Variants in TMEM272 observed in about 807,000 individuals in gnomAD.
The protein encoded by TMEM272 is transmembrane protein 272, also known as long intergenic non-protein coding RNA 282.
Under a neutral mutation model 3.7 loss-of-function variants are expected in TMEM272, and 8 were observed. The ratio of observed to expected loss-of-function variants is 2.17; its 90% CI spans 1.27 to 3.91. The LOEUF (loss-of-function observed/expected upper bound fraction) is 3.91, where lower values mean the gene tolerates loss of function less well. TMEM272 is among the 30% of genes most tolerant of loss of function. The pLI is 0.00. For synonymous variants in TMEM272, 63 were observed against 39.8 expected (o/e 1.58, Z -2.20); for missense variants, 166 against 91.5 (o/e 1.81, Z -3.32).
chr13:51,866,548 A>C, the TMEM272 span, among the ~76,000 whole-genome samples: 18 of 152,158 alleles, frequency 1.2e-4, no homozygotes, highest in Admixed American at 9.8e-4. Context: ...GCATTCCAGT[A>C]AAGGCCTCTG....
chr13:51,884,850 A>G, the TMEM272 span, among the ~76,000 whole-genome samples: 1 of 152,202 alleles, frequency 6.6e-6, no homozygotes, highest in Non-Finnish European at 1.5e-5. Flanking sequence ...AACACAGTAA[A>G]TGCTTGGTTA....
chr13:51,917,730 A>T, the TMEM272 span, among the ~76,000 whole-genome samples: 1 of 152,338 alleles, frequency 6.6e-6, no homozygotes, highest in East Asian at 1.9e-4. Flanking sequence ...TCTGAGCTGC[A>T]AAATGCATTG....
intron 2 of TMEM272, among the ~76,000 whole-genome samples, chr13:51,827,565 C>G (rs1017172537): frequency 6.6e-6 from 1 of 152,054 alleles, no homozygotes; most frequent in African/African-American, 2.4e-5. Context: ...GCCTGCCCCC[C>G]AGTTCCCACT....
the TMEM272 span, among the ~76,000 whole-genome samples, chr13:51,925,856 T>G: frequency 6.6e-6 from 1 of 152,084 alleles, no homozygotes; most frequent in Admixed American, 6.6e-5. Flanking sequence ...ACCAAATCCC[T>G]CTCCTAAGAC....
At chr13:51,917,109 G>C in the TMEM272 span, among the ~76,000 whole-genome samples, 1 of 152,168 alleles carries the variant, frequency 6.6e-6, no homozygotes, top group African/African-American at 2.4e-5. Context: ...ATGACTTATG[G>C]GTGCCAGCCC....
At chr13:51,879,481 C>G in the TMEM272 span, among the ~76,000 whole-genome samples, 1 of 152,210 alleles carries the variant, frequency 6.6e-6, no homozygotes, top group African/African-American at 2.4e-5. Context: ...GAGAACATTG[C>G]AGATGACTTT....
the TMEM272 span, among the ~76,000 whole-genome samples, chr13:51,864,860 C>T: frequency 1.6e-3 from 248 of 152,288 alleles, 2 homozygotes; most frequent in African/African-American, 5.8e-3. Flanking sequence ...AAAATAAACT[C>T]CTCTCCTAAA....
intron 1 of TMEM272, among the ~76,000 whole-genome samples, chr13:51,844,094 G>A (rs1040226568): frequency 6.7e-6 from 1 of 149,126 alleles, no homozygotes; most frequent in African/African-American, 2.5e-5. Flanking sequence ...AATAGGACTA[G>A]GTCTGAGAAA....
intron 3 of TMEM272, among the ~76,000 whole-genome samples, chr13:51,825,464 T>C (rs1373270587): frequency 1.3e-5 from 2 of 152,102 alleles, no homozygotes; most frequent in African/African-American, 4.8e-5. Flanking sequence ...TTCGAAAACA[T>C]TTTCATCACC....
chr13:51,915,050 C>A, the TMEM272 span, among the ~76,000 whole-genome samples: 2 of 152,148 alleles, frequency 1.3e-5, no homozygotes, highest in African/African-American at 4.8e-5. Flanking sequence ...AAATACTTCA[C>A]GGCAAATTAC....
At chr13:51,849,968 A>C (rs1956323548), upstream of TMEM272, among the ~76,000 whole-genome samples, 1 of 152,186 alleles carries the variant, frequency 6.6e-6, no homozygotes, top group African/African-American at 2.4e-5. Flanking sequence ...GTGACCGAGC[A>C]CTTTAGAAGG....
the TMEM272 span, among the ~76,000 whole-genome samples, chr13:51,918,803 CTTTTTTT>C: frequency 4.7e-3 from 379 of 81,042 alleles, 1 homozygote; most frequent in Non-Finnish European, 5.1e-3. Flanking sequence ...TTTTGAAATT[CTTTTTTT>C]TTTTTTTTTT....
chr13:51,886,362 T>C, the TMEM272 span, among the ~76,000 whole-genome samples: 2 of 152,212 alleles, frequency 1.3e-5, no homozygotes, highest in Non-Finnish European at 2.9e-5. Flanking sequence ...TGCCAGGCAA[T>C]CTTCTAAATG....
rs1956024930 is a variant in TMEM272 at position 51,816,292 on chromosome 13, G to A, written c.*459C>T. ...TTAATAACAAAAGCCATCATAGCGA[G>A]TGAAGTTAAGATATATCTTGTGTGA... On this transcript the variant is annotated 3_prime_UTR_variant, in exon 5 of 5. Coordinates refer to ENST00000629372, the MANE Select transcript of TMEM272 (RefSeq NM_001351003.2). 1 of 156,950 alleles carries A rather than the reference G, an allele frequency of 6.4e-6. No homozygotes were observed. The allele number at this position is 156,950 out of a possible 1,614,324, so 9.7% of individuals were successfully genotyped here. A position where few individuals can be genotyped will look rare whatever the true frequency, so the allele number is the denominator to read the frequency against.
the TMEM272 span, among the ~76,000 whole-genome samples, chr13:51,915,919 A>G: frequency 6.6e-6 from 1 of 152,088 alleles, no homozygotes; most frequent in Non-Finnish European, 1.5e-5. Context: ...CTAAAAATAC[A>G]AAAATTAGCT....
At chr13:51,838,277 A>G (rs1366172491) in intron 2 of TMEM272, among the ~76,000 whole-genome samples, 196 bp downstream of exon 2, 1 of 152,182 alleles carries the variant, frequency 6.6e-6, no homozygotes, top group Non-Finnish European at 1.5e-5. Context: ...GGAAAACTAA[A>G]GATGAATTGG....
intron 4 of TMEM272, 131 bp downstream of exon 4, chr13:51,821,924 C>A (rs1257307248): frequency 7.3e-6 from 5 of 681,984 alleles, no homozygotes; most frequent in Non-Finnish European, 2.7e-6. Context: ...AGCCCCATCA[C>A]TTCAGCAACC....
chr13:51,892,085 G>T, the TMEM272 span, among the ~76,000 whole-genome samples: 1 of 152,146 alleles, frequency 6.6e-6, no homozygotes, highest in African/African-American at 2.4e-5. Flanking sequence ...TGGGGAAACA[G>T]GGCTCAGGGA....
the TMEM272 span, among the ~76,000 whole-genome samples, chr13:51,880,988 T>C: frequency 6.6e-6 from 1 of 152,150 alleles, no homozygotes; most frequent in Admixed American, 6.5e-5. Context: ...TCCTGGAGAA[T>C]GTTGGGAAGA....
Sources: allele counts gnomAD v4.1 joint callset (sites outside exome capture counted in the v4.1 genomes callset), GRCh38; gene constraint gnomAD v4.1.1; transcripts MANE v1.5; gene names NCBI Gene and HGNC (gene_info 2026-07-23, HGNC 2026-07-21).